GNG7: variants seen among roughly 807,000 people sequenced by gnomAD.
GNG7 encodes G protein subunit gamma 7, also known as guanine nucleotide-binding protein G(I)/G(S)/G(O) subunit gamma-7.
GNG7 carries 1 observed loss-of-function variant against 4.0 expected under a neutral mutation model. The ratio of observed to expected loss-of-function variants is 0.25; its 90% CI spans 0.09 to 1.18. The LOEUF is 1.18. GNG7 is among the 50% of genes most tolerant of loss of function. The probability of loss-of-function intolerance (pLI) is 0.50; values close to 1 mark genes in which losing one functional copy is unlikely to be tolerated. For synonymous variants in GNG7, 34 were observed against 36.9 expected (o/e 0.92, Z 0.29); for missense variants, 86 against 91.9 (o/e 0.94, Z 0.26).
intron 3 of GNG7, among the ~76,000 whole-genome samples, chr19:2,531,594 A>G (rs1245224757): frequency 6.6e-6 from 1 of 151,570 alleles, no homozygotes; most frequent in Non-Finnish European, 1.5e-5. Context: ...ACATGGTGAA[A>G]CCCCGTCTCT....
In GNG7 at chr19:2,557,352, CACAG is replaced by C. The variant is rs768091102; in HGVS notation, c.-77-2168_-77-2165del. Among the ~76,000 whole-genome samples the C allele has an allele frequency of 7.4e-4, 70 of 94,874 alleles. No homozygotes were observed. The highest frequency in any genetic ancestry group is 1.3e-3 in the Non-Finnish European group (51 of 39,304). 62.2% of individuals were successfully genotyped at this position (94,874 alleles called of 152,430 possible). On this transcript the variant is annotated intron_variant, in intron 2 of 4. Transcript: ENST00000382159. This position sits in a 1 kb window ranked among gnomAD's most constrained non-coding sequence, Gnocchi z 5.1. Reference sequence around the variant, plus strand: ...ACACAGACACACACATGTGCACACACACAGACACACACACACGTGCACGCACACA... The same window carrying C: ...ACACAGACACACACATGTGCACACACACACACACACACGTGCACGCACACA...
chr19:2,701,961 C>T (rs1420208025), intron 1 of GNG7, among the ~76,000 whole-genome samples: 1 of 147,452 alleles, frequency 6.8e-6, no homozygotes, highest in Admixed American at 6.8e-5. Flanking sequence ...CCCTCGGCAG[C>T]TAACCTCGAC....
intron 2 of GNG7, chr19:2,643,571 G>A (rs1456230399): frequency 7.0e-6 from 3 of 429,410 alleles, no homozygotes; most frequent in South Asian, 1.6e-5. Context: ...AGACCTCTCC[G>A]GACTCTGCAC....
intron 2 of GNG7, chr19:2,642,299 C>A (rs1432799052): frequency 5.1e-6 from 1 of 195,604 alleles, no homozygotes; most frequent in Non-Finnish European, 1.1e-5. Context: ...TGAGAATTGC[C>A]GTATCCTAGC....
At chr19:2,592,646 A>G (rs1980877677) in intron 2 of GNG7, among the ~76,000 whole-genome samples, 1 of 150,530 alleles carries the variant, frequency 6.6e-6, no homozygotes, top group Admixed American at 6.7e-5. Flanking sequence ...TTGAGGCAGA[A>G]GGATTGCTTG....
chr19:2,615,935 G>A (rs116254229), intron 2 of GNG7, among the ~76,000 whole-genome samples: 1,869 of 152,278 alleles, frequency 0.012, 35 homozygotes, highest in African/African-American at 0.043. Flanking sequence ...GCAAAGGGGC[G>A]CCTCCTGTCC....
intron 2 of GNG7, among the ~76,000 whole-genome samples, chr19:2,568,095 ACACT>A (rs918887612): frequency 5.9e-5 from 9 of 151,816 alleles, no homozygotes; most frequent in Non-Finnish European, 1.3e-4. Flanking sequence ...GCACACACAC[ACACT>A]TACACACATG....
At chr19:2,586,516 T>C (rs1226677908) in intron 2 of GNG7, among the ~76,000 whole-genome samples, 5 of 151,928 alleles carry the variant, frequency 3.3e-5, no homozygotes, top group Admixed American at 2.6e-4. Context: ...CAGCTGAGGC[T>C]GAAAGGGAAG....
rs1972681440 is a variant in GNG7 at position 2,513,274 on chromosome 19, G to A, written c.*1748C>T. 1.3e-5 allele frequency: 5 copies of A among 396,410 alleles called. No individual in the cohort carries two copies. Among genetic ancestry groups the A allele is most frequent in the African/African-American group, 4.4e-5 (2 of 45,908 alleles). The allele number at this position is 396,410 out of a possible 1,614,324, so 24.6% of individuals were successfully genotyped here. On this transcript the variant is annotated 3_prime_UTR_variant, in exon 5 of 5. Coordinates refer to ENST00000382159, the MANE Select transcript of GNG7 (RefSeq NM_052847.3). ...GGCCGTCCAGGAACCCTCTCGGCACGGGTTCTTAGACGCCTGTCTCCACTG... is the reference window on the plus strand; with the variant it reads ...GGCCGTCCAGGAACCCTCTCGGCACAGGTTCTTAGACGCCTGTCTCCACTG...
At position 2,653,478 on chromosome 19, in the gene GNG7, G is replaced by C. The variant is rs999433081; in HGVS notation, c.-134-7198C>G. ...GGAGGAGAATCCCAGGAGCTGGGGG[G>C]CCCCCCTGGTTTATACCGTCTTCCC... On this transcript the variant is annotated intron_variant, in intron 1 of 4. Transcript: ENST00000382159. This position sits in a 1 kb window ranked among gnomAD's most constrained non-coding sequence, Gnocchi z 4.8. Among the ~76,000 whole-genome samples the C allele has an allele frequency of 1.3e-4, 20 of 151,514 alleles. No individual in the cohort carries two copies. The highest frequency in any genetic ancestry group is 4.4e-4 in the African/African-American group (18 of 40,932).
intron 2 of GNG7, among the ~76,000 whole-genome samples, chr19:2,565,234 A>C (rs10405346): frequency 6.6e-6 from 1 of 151,728 alleles, no homozygotes; most frequent in African/African-American, 2.4e-5. Flanking sequence ...AAGCTGTGCC[A>C]GGCGCGGTGG....
rs562051804 is a variant in GNG7, at chr19:2,557,110, C to T, written c.-77-1922G>A. On this transcript the variant is annotated intron_variant, in intron 2 of 4. Coordinates refer to ENST00000382159, the MANE Select transcript of GNG7 (RefSeq NM_052847.3). The surrounding 1 kb of genome is among the most constrained non-coding windows in gnomAD (Gnocchi z 5.1). ...GTGCACACAGGAATACTCAGACACACGCACACACGTACACACGTGTACTGC... is the reference window on the plus strand; with the variant it reads ...GTGCACACAGGAATACTCAGACACATGCACACACGTACACACGTGTACTGC... Among the ~76,000 whole-genome samples the T allele has an allele frequency of 1.3e-4, 19 of 151,632 alleles. No homozygotes were observed. The highest frequency in any genetic ancestry group is 4.4e-5 in the Non-Finnish European group (3 of 67,876).
Position 2,513,136 on chromosome 19 carries a change from C to T in GNG7, c.*1886G>A, listed in dbSNP as rs189543732. ...GGAGGTCACTCCCCCGACACCTGCA[C>T]ACACACCCGGAGCCCTCTAGCCTTG... On this transcript the variant is annotated 3_prime_UTR_variant, in exon 5 of 5. Transcript: ENST00000382159. 1.3e-3 allele frequency: 1,240 copies of T among 985,478 alleles called. 4 individuals are homozygous for T. Among genetic ancestry groups the T allele is most frequent in the Admixed American group, 1.5e-3 (24 of 16,292 alleles). The allele number at this position is 985,478 out of a possible 1,614,324, so 61.0% of individuals were successfully genotyped here. A position where few individuals can be genotyped will look rare whatever the true frequency, so the allele number is the denominator to read the frequency against.
At chr19:2,673,046 G>T (rs893094553) in intron 1 of GNG7, among the ~76,000 whole-genome samples, 41 of 149,742 alleles carry the variant, frequency 2.7e-4, no homozygotes, top group Non-Finnish European at 1.5e-4. Context: ...CACAAGGTCA[G>T]GAGATCGAGA....
chr19:2,532,183 G>C (rs1978618094), intron 3 of GNG7, among the ~76,000 whole-genome samples: 1 of 150,962 alleles, frequency 6.6e-6, no homozygotes, highest in South Asian at 2.1e-4. Context: ...ACAAAAACCA[G>C]CACTACAAAG....
chr19:2,680,857 T>C (rs913970909), intron 1 of GNG7, among the ~76,000 whole-genome samples: 2 of 151,950 alleles, frequency 1.3e-5, no homozygotes, highest in African/African-American at 4.8e-5. Flanking sequence ...CAGGCTGGAG[T>C]GCGGTGGTGT....
intron 1 of GNG7, among the ~76,000 whole-genome samples, chr19:2,650,424 G>A (rs369096179): frequency 2.2e-4 from 34 of 152,142 alleles, no homozygotes; most frequent in Middle Eastern, 3.4e-3. Context: ...CCTGACCTCA[G>A]GTGATCCGCC....
intron 2 of GNG7, among the ~76,000 whole-genome samples, chr19:2,592,987 G>A (rs1020011805): frequency 2.7e-5 from 4 of 146,434 alleles, no homozygotes; most frequent in Admixed American, 6.9e-5. Flanking sequence ...AGAGAGGGAC[G>A]GAGGGAGGGG....
intron 2 of GNG7, among the ~76,000 whole-genome samples, chr19:2,584,260 T>C (rs1041336116): frequency 8.7e-5 from 11 of 126,386 alleles, no homozygotes; most frequent in Non-Finnish European, 1.4e-4. Flanking sequence ...CAGGGCAACA[T>C]AGGGAGACCC....
Sources: allele counts gnomAD v4.1 joint callset (sites outside exome capture counted in the v4.1 genomes callset), GRCh38; gene constraint gnomAD v4.1.1; non-coding constraint Gnocchi (gnomAD v3.1); transcripts MANE v1.5; gene names NCBI Gene and HGNC (gene_info 2026-07-23, HGNC 2026-07-21).